The following GPBP1L1 variants were observed in gnomAD, a reference collection of about 807,000 sequenced individuals.
The protein encoded by GPBP1L1 is GC-rich promoter binding protein 1 like 1.
A neutral mutation model predicts 52.5 loss-of-function variants in GPBP1L1; 23 were observed. The observed-to-expected ratio is 0.44, with a 90% confidence interval of 0.32 to 0.62. The LOEUF is 0.62. Among genes scored for constraint, GPBP1L1 ranks in the 20% least tolerant of loss-of-function variants. The pLI is 0.06. For synonymous variants in GPBP1L1, 243 were observed against 203.1 expected (o/e 1.20, Z -1.67); for missense variants, 596 against 579.3 (o/e 1.03, Z -0.30).
chr1:45,652,026 G>C (rs1431608830), intron 6 of GPBP1L1, among the ~76,000 whole-genome samples: 4 of 152,216 alleles, frequency 2.6e-5, no homozygotes, highest in Non-Finnish European at 5.9e-5. Context: ...AAAAGATCTA[G>C]AGCAAGGTTT....
chr1:45,651,331 C>T, intron 6 of GPBP1L1: 1 of 376,742 alleles, frequency 2.7e-6, no homozygotes, highest in Non-Finnish European at 5.1e-6. Flanking sequence ...GGAAGACAAC[C>T]AGCTTGATGG....
At chr1:45,686,952 C>A (rs533277703), upstream of GPBP1L1, 1 of 152,426 alleles carries the variant, frequency 6.6e-6, no homozygotes, top group Admixed American at 6.5e-5. Context: ...TCTTCACCCT[C>A]CCACAGCCCG....
intron 6 of GPBP1L1, among the ~76,000 whole-genome samples, chr1:45,647,544 T>G (rs1441376492): frequency 2.0e-5 from 3 of 152,188 alleles, no homozygotes; most frequent in East Asian, 3.8e-4. Flanking sequence ...CTTTGACAGC[T>G]GGCATGTTAA....
intron 8 of GPBP1L1, among the ~76,000 whole-genome samples, chr1:45,639,733 G>A (rs918973579): frequency 5.9e-5 from 9 of 151,832 alleles, no homozygotes; most frequent in South Asian, 4.2e-4. Flanking sequence ...AAAAAACACC[G>A]AGCCGGGTGT....
intron 2 of GPBP1L1, among the ~76,000 whole-genome samples, chr1:45,680,284 G>T (rs1230467418): frequency 6.9e-6 from 1 of 145,626 alleles, no homozygotes; most frequent in Non-Finnish European, 1.5e-5. Flanking sequence ...TGTCACCTAG[G>T]CTGGAGTTCA....
intron 2 of GPBP1L1, among the ~76,000 whole-genome samples, chr1:45,674,299 A>C (rs764703687): frequency 6.6e-6 from 1 of 152,224 alleles, no homozygotes; most frequent in Non-Finnish European, 1.5e-5. Flanking sequence ...AAGATTAAAA[A>C]TTTTAATATC....
chr1:45,651,148 T>C (rs1267237101), intron 6 of GPBP1L1: 7 of 497,674 alleles, frequency 1.4e-5, no homozygotes, highest in Non-Finnish European at 1.2e-5. Flanking sequence ...GTATCTGTCA[T>C]TGTAATTGAT....
Position 45,630,530 on chromosome 1 carries a change from A to T in GPBP1L1, c.1121T>A (p.Val374Glu), listed in dbSNP as rs1644516863. The change falls in exon 11 of 13, where the codon GTA becomes GAA. Residue 374 changes from valine (V) to glutamate (E), a missense_variant. Physicochemically the swap from Val to Glu is moderately radical, Grantham distance 121 (BLOSUM62 -2). Coordinates refer to ENST00000355105, the MANE Select transcript of GPBP1L1 (RefSeq NM_021639.5). ...GCHQNGLALP[V>E]VEEGEVLSHS... ...TGAGAGAACCTCCCCTTCTTCCACTACAGGGAGGGCAAGACCATTTTGATG... is the reference window on the plus strand; with the variant it reads ...TGAGAGAACCTCCCCTTCTTCCACTTCAGGGAGGGCAAGACCATTTTGATG... 2 of 1,613,926 alleles carry T rather than the reference A, an allele frequency of 1.2e-6. No homozygotes were observed. The highest frequency in any genetic ancestry group is 1.7e-6 in the Non-Finnish European group (2 of 1,179,822).
At chr1:45,672,164 C>A (rs1645081229) in intron 2 of GPBP1L1, among the ~76,000 whole-genome samples, 1 of 152,112 alleles carries the variant, frequency 6.6e-6, no homozygotes, top group Non-Finnish European at 1.5e-5. Context: ...AGCTCGAGAC[C>A]AGCCTGGCCA....
At chr1:45,633,721 G>T in intron 9 of GPBP1L1, 74 bp from the exon 10 acceptor site, 1 of 1,442,504 alleles carries the variant, frequency 6.9e-7, no homozygotes, top group South Asian at 1.2e-5. Context: ...ACTAAGTGCT[G>T]ACTTCAAGAA....
In GPBP1L1 at chr1:45,655,500, T is replaced by C. The variant is rs1347530085; in HGVS notation, c.61-181A>G. 35 of 531,550 alleles carry C rather than the reference T, an allele frequency of 6.6e-5. No individual in the cohort carries two copies. The Admixed American group carries it at 9.9e-4, about 15-fold the overall frequency. 32.9% of individuals were successfully genotyped at this position (531,550 alleles called of 1,614,324 possible). On this transcript the variant is annotated intron_variant, in intron 4 of 12. Coordinates refer to ENST00000355105, the MANE Select transcript of GPBP1L1 (RefSeq NM_021639.5). ...CCTAATTTAGAGAAGTCCTAGGTTA[T>C]ATATTCAATTGCTAATTCACTTCCT...
At chr1:45,632,364 T>C (rs1456588620) in intron 10 of GPBP1L1, among the ~76,000 whole-genome samples, 2 of 151,320 alleles carry the variant, frequency 1.3e-5, no homozygotes, top group Admixed American at 6.6e-5. Context: ...GATTGCTCCA[T>C]TGCACTCCAG....
At chr1:45,654,939 A>G (rs749096943) in intron 5 of GPBP1L1, 110 bp from the exon 6 acceptor site, 188 of 1,145,420 alleles carry the variant, frequency 1.6e-4, no homozygotes, top group Non-Finnish European at 2.2e-4. Context: ...CACACAAAAA[A>G]AATAAAAAAA....
chr1:45,657,617 G>C (rs1340817813), intron 4 of GPBP1L1, among the ~76,000 whole-genome samples: 1 of 152,142 alleles, frequency 6.6e-6, no homozygotes, highest in Non-Finnish European at 1.5e-5. Context: ...ACTTTTGGAG[G>C]CTGAGGTGAC....
intron 4 of GPBP1L1, among the ~76,000 whole-genome samples, chr1:45,657,636 T>C (rs555646451): frequency 2.0e-5 from 3 of 152,208 alleles, no homozygotes; most frequent in Non-Finnish European, 4.4e-5. Flanking sequence ...ACAGGATCGT[T>C]TGAGGCCAGT....
intron 2 of GPBP1L1, among the ~76,000 whole-genome samples, chr1:45,676,342 T>C (rs1557722238): frequency 1.3e-5 from 2 of 152,140 alleles, no homozygotes; most frequent in Non-Finnish European, 2.9e-5. Flanking sequence ...GGCTCATGCC[T>C]GTAATTCCAG....
chr1:45,659,902 C>T (rs1178549830), intron 3 of GPBP1L1, among the ~76,000 whole-genome samples: 4 of 152,158 alleles, frequency 2.6e-5, no homozygotes, highest in Non-Finnish European at 5.9e-5. Flanking sequence ...GATTGCACCA[C>T]TGCACTCCAG....
In GPBP1L1 at chr1:45,633,617, T is replaced by G. The variant is rs1426573452; in HGVS notation, c.916A>C (p.Ile306Leu). 3.7e-6 allele frequency: 6 copies of G among 1,613,912 alleles called. No individual in the cohort carries two copies. Among genetic ancestry groups the G allele is most frequent in the African/African-American group, 1.3e-5 (1 of 74,946 alleles). ...AACTTGGTCAGACGAGAGGAGCTGA[T>G]CTCAATTGGAGGGGTGGTGCTGGAG... ...SPSSTTPPIE[I>L]SSSRLTKLTR... The change falls in exon 10 of 13, where the codon ATC becomes CTC. Residue 306 changes from isoleucine to leucine, a missense_variant. Coordinates refer to ENST00000355105, the MANE Select transcript of GPBP1L1 (RefSeq NM_021639.5).
At chr1:45,669,601 A>C (rs1645050028) in intron 2 of GPBP1L1, among the ~76,000 whole-genome samples, 1 of 143,480 alleles carries the variant, frequency 7.0e-6, no homozygotes, top group Non-Finnish European at 1.5e-5. Flanking sequence ...CTTCGGGGTA[A>C]AGGCTTTTGG....
Sources: gnomAD v4.1 joint callset for allele counts (sites outside exome capture counted in the v4.1 genomes callset) on GRCh38, gnomAD v4.1.1 for gene constraint, MANE v1.5 for transcripts, NCBI Gene and HGNC (gene_info 2026-07-23, HGNC 2026-07-21) for gene names.